The following HS6ST3 variants were observed in gnomAD, a reference collection of about 807,000 sequenced individuals.
HS6ST3 encodes the protein heparan sulfate 6-O-sulfotransferase 3.
Under a neutral mutation model 36.7 loss-of-function variants are expected in HS6ST3, and 12 were observed. That is an observed-to-expected ratio of 0.33 (90% CI 0.21 to 0.53). The LOEUF is 0.53. Ranked by LOEUF, HS6ST3 falls within the 20% of genes least tolerant of loss-of-function variation. The probability of loss-of-function intolerance (pLI) is 0.95; values close to 1 mark genes in which losing one functional copy is unlikely to be tolerated. For missense variants in HS6ST3, 584 were observed against 640.9 expected (o/e 0.91, Z 0.96); for synonymous variants, 240 against 257.5 (o/e 0.93, Z 0.65).
intron 1 of HS6ST3, among the ~76,000 whole-genome samples, chr13:96,760,763 A>C (rs1011615004): frequency 6.6e-6 from 1 of 152,122 alleles, no homozygotes; most frequent in Non-Finnish European, 1.5e-5. Flanking sequence ...ATAAGTTTAA[A>C]TTCCATATTG....
chr13:96,305,720 G>T (rs1379189064), intron 1 of HS6ST3, among the ~76,000 whole-genome samples: 1 of 151,940 alleles, frequency 6.6e-6, no homozygotes, highest in Non-Finnish European at 1.5e-5. Context: ...ATTTACATGT[G>T]TCCCACAGTA....
chr13:96,331,374 C>G (rs1358900061), intron 1 of HS6ST3, among the ~76,000 whole-genome samples: 1 of 151,838 alleles, frequency 6.6e-6, no homozygotes, highest in Non-Finnish European at 1.5e-5. Flanking sequence ...GATGTCCTTT[C>G]TGTTTGTTAG....
chr13:96,560,501 G>A (rs555398787), intron 1 of HS6ST3, among the ~76,000 whole-genome samples: 21 of 152,040 alleles, frequency 1.4e-4, no homozygotes, highest in Non-Finnish European at 2.6e-4. Flanking sequence ...CCTATTCAAC[G>A]CAGTACTGGA....
chr13:96,457,520 T>C (rs1357702883), intron 1 of HS6ST3, among the ~76,000 whole-genome samples: 1 of 152,088 alleles, frequency 6.6e-6, no homozygotes, highest in Non-Finnish European at 1.5e-5. Flanking sequence ...ATTGTATAGG[T>C]ACTAGACATT....
intron 1 of HS6ST3, among the ~76,000 whole-genome samples, chr13:96,358,620 G>A (rs1051545490): frequency 3.3e-5 from 5 of 152,060 alleles, no homozygotes; most frequent in East Asian, 1.9e-4. Flanking sequence ...TGTGGAGTTC[G>A]GATAGTGGGT....
chr13:96,672,839 A>G (rs765704159), intron 1 of HS6ST3, among the ~76,000 whole-genome samples: 3 of 152,068 alleles, frequency 2.0e-5, no homozygotes, highest in Non-Finnish European at 4.4e-5. Flanking sequence ...TCTATCTTTT[A>G]GTGTTTCTAA....
At chr13:96,331,212 G>C (rs1331073151) in intron 1 of HS6ST3, among the ~76,000 whole-genome samples, 1 of 152,242 alleles carries the variant, frequency 6.6e-6, no homozygotes, top group African/African-American at 2.4e-5. Context: ...GCTTTGTTCC[G>C]TTGCTGGTGA....
chr13:96,095,239 G>T (rs190496375), intron 1 of HS6ST3, among the ~76,000 whole-genome samples: 2 of 152,344 alleles, frequency 1.3e-5, no homozygotes, highest in Admixed American at 6.5e-5. Context: ...TATGTGCCAG[G>T]CACTACGATA....
intron 1 of HS6ST3, among the ~76,000 whole-genome samples, chr13:96,526,582 G>A (rs1029558630): frequency 1.3e-5 from 2 of 152,172 alleles, no homozygotes; most frequent in Non-Finnish European, 2.9e-5. Flanking sequence ...TGGATTGGGA[G>A]TGGTTAGAAG....
intron 1 of HS6ST3, among the ~76,000 whole-genome samples, chr13:96,332,066 C>G (rs183825485): frequency 0.016 from 2,508 of 152,306 alleles, 24 homozygotes; most frequent in Non-Finnish European, 0.027. Context: ...CACCCACTGA[C>G]CTGCGCCCAC....
intron 1 of HS6ST3, among the ~76,000 whole-genome samples, chr13:96,504,045 C>G (rs923101372): frequency 6.6e-6 from 1 of 152,166 alleles, no homozygotes; most frequent in Non-Finnish European, 1.5e-5. Context: ...GCTCCACCCT[C>G]ATGACTGAAT....
At chr13:96,584,926 A>G (rs1387362304) in intron 1 of HS6ST3, among the ~76,000 whole-genome samples, 8 of 152,300 alleles carry the variant, frequency 5.3e-5, no homozygotes, top group Non-Finnish European at 8.8e-5. Context: ...GGCACAGACC[A>G]TATGGAGGGG....
intron 1 of HS6ST3, among the ~76,000 whole-genome samples, chr13:96,292,672 G>A (rs2054836035): frequency 6.6e-6 from 1 of 152,050 alleles, no homozygotes; most frequent in East Asian, 1.9e-4. Flanking sequence ...TAGGCACTGG[G>A]GACTGACAGA....
intron 1 of HS6ST3, among the ~76,000 whole-genome samples, chr13:96,484,440 A>C (rs191906392): frequency 6.6e-6 from 1 of 152,158 alleles, no homozygotes; most frequent in Admixed American, 6.6e-5. Flanking sequence ...TATGCAGTAC[A>C]TTAGATCACC....
At chr13:96,515,682 C>T (rs2056069530) in intron 1 of HS6ST3, among the ~76,000 whole-genome samples, 2 of 152,144 alleles carry the variant, frequency 1.3e-5, no homozygotes, top group African/African-American at 2.4e-5. Flanking sequence ...ATGTGTTTGA[C>T]AGTTCTTTCT....
At chr13:96,815,542 T>C (rs1456483426) in intron 1 of HS6ST3, among the ~76,000 whole-genome samples, 1 of 152,178 alleles carries the variant, frequency 6.6e-6, no homozygotes, top group Non-Finnish European at 1.5e-5. Flanking sequence ...AAATCAGCAG[T>C]TGGGCTGGTC....
intron 1 of HS6ST3, among the ~76,000 whole-genome samples, chr13:96,252,174 T>C (rs936112653): frequency 7.9e-5 from 12 of 152,232 alleles, no homozygotes; most frequent in African/African-American, 2.4e-4. Context: ...ATTTCTTCAG[T>C]TATATCTGCT....
intron 1 of HS6ST3, among the ~76,000 whole-genome samples, chr13:96,172,957 C>T (rs1325940470): frequency 1.3e-5 from 2 of 152,316 alleles, no homozygotes; most frequent in South Asian, 2.1e-4. Flanking sequence ...TTCAAGCATG[C>T]ATTCAAGAAA....
intron 1 of HS6ST3, among the ~76,000 whole-genome samples, chr13:96,112,715 C>T (rs2139301258): frequency 6.8e-6 from 1 of 148,072 alleles, no homozygotes. Context: ...TTGCAGTGAG[C>T]TGAGATCACA....
Sources: gnomAD v4.1 joint callset for allele counts (sites outside exome capture counted in the v4.1 genomes callset) on GRCh38, gnomAD v4.1.1 for gene constraint, MANE v1.5 for transcripts, NCBI Gene and HGNC (gene_info 2026-07-23, HGNC 2026-07-21) for gene names.